The following HNRNPK variants were observed in gnomAD, a reference collection of about 807,000 sequenced individuals.
HNRNPK encodes the protein heterogeneous nuclear ribonucleoprotein K.
Under a neutral mutation model 67.0 loss-of-function variants are expected in HNRNPK, and 7 were observed. That is an observed-to-expected ratio of 0.10 (90% CI 0.06 to 0.20). The LOEUF (loss-of-function observed/expected upper bound fraction) is 0.20, where lower values mean the gene tolerates loss of function less well. Ranked by LOEUF, HNRNPK falls within the 10% of genes least tolerant of loss-of-function variation. The probability of loss-of-function intolerance (pLI) is 1.00; values close to 1 mark genes in which losing one functional copy is unlikely to be tolerated. For synonymous variants in HNRNPK, 213 were observed against 193.7 expected (o/e 1.10, Z -0.83); for missense variants, 264 against 606.5 (o/e 0.44, Z 5.93).
chr9:83,971,047 T>C, intron 13 of HNRNPK, 135 bp from the exon 14 acceptor site: 2 of 853,772 alleles, frequency 2.3e-6, no homozygotes, highest in South Asian at 1.5e-5. Context: ...GCTCAAGTGA[T>C]CCTCCTGCCT....
chr9:83,970,692 T>A (rs1956790215), intron 15 of HNRNPK, 45 bp downstream of exon 15: 1 of 1,163,542 alleles, frequency 8.6e-7, no homozygotes, highest in Non-Finnish European at 1.3e-6. Flanking sequence ...GGAGGAATAA[T>A]CATAAAAGTG....
chr9:83,969,849 A>G (rs747238023), intron 16 of HNRNPK: 1 of 612,526 alleles, frequency 1.6e-6, no homozygotes, highest in East Asian at 3.7e-5. Flanking sequence ...GAACTAGGCC[A>G]ACATCCAATG....
chr9:83,978,056 T>C, intron 3 of HNRNPK, 139 bp downstream of exon 3: 1 of 636,078 alleles, frequency 1.6e-6, no homozygotes, highest in Non-Finnish European at 2.8e-6. Context: ...AAAGCTAAGA[T>C]GTAACTACTG....
At chr9:83,976,972 T>G (rs752127453) in intron 5 of HNRNPK, 23 bp downstream of exon 5, 33 of 1,447,210 alleles carry the variant, frequency 2.3e-5, no homozygotes, top group Non-Finnish European at 3.2e-5. Flanking sequence ...GCTCGTGTAG[T>G]AGTTTAAACT....
chr9:83,973,464 C>T, intron 8 of HNRNPK, 65 bp from the exon 9 acceptor site: 1 of 882,496 alleles, frequency 1.1e-6, no homozygotes, highest in South Asian at 1.3e-5. Flanking sequence ...CACTTATCTG[C>T]TATAAGCATA....
At chr9:83,969,626 A>G (rs527426338) in intron 16 of HNRNPK, 186 bp from the exon 17 acceptor site, 1 of 622,924 alleles carries the variant, frequency 1.6e-6, no homozygotes, top group South Asian at 1.9e-5. Context: ...ATGAGTAGTA[A>G]ATCGGACATT....
rs1465068162 is a variant in HNRNPK at position 83,972,010 on chromosome 9, T to G, written c.825A>C (p.Pro275=). Residue 275 remains proline, a synonymous_variant, in exon 11 of 17, where the codon CCA becomes CCC. Coordinates refer to ENST00000376263, the MANE Select transcript of HNRNPK (RefSeq NM_031263.4). ...PPGRGGRPMP[P]SRRDYDDMSP... is the part of the protein sequence containing the mutation. Reference sequence around the variant, plus strand: ...TCATATCATCATAATCTCTTCTAGATGGAGGCATGGGACGCCCACCCCGAC... The same window carrying G: ...TCATATCATCATAATCTCTTCTAGAGGGAGGCATGGGACGCCCACCCCGAC... The G allele has an allele frequency of 6.2e-7, 1 of 1,613,872 alleles. No individual in the cohort carries two copies.
chr9:83,978,259 T>C lies in HNRNPK; in HGVS notation c.-7A>G, dbSNP rs1341022914. 5.6e-6 allele frequency: 9 copies of C among 1,612,174 alleles called. No individual in the cohort carries two copies. In the East Asian group the frequency reaches 2.0e-4, roughly 36 times the overall value. On this transcript the variant is annotated 5_prime_UTR_variant, in exon 3 of 17. Transcript: ENST00000376263. ...CTGGCTGTTCAGTTTCCATATTCTTTTATTAAACGGGCACACCAATCTGTG... is the reference window on the plus strand; with the variant it reads ...CTGGCTGTTCAGTTTCCATATTCTTCTATTAAACGGGCACACCAATCTGTG...
At chr9:83,978,532 G>A in intron 1 of HNRNPK, 80 bp from the exon 2 acceptor site, 2 of 327,578 alleles carry the variant, frequency 6.1e-6, no homozygotes, top group Non-Finnish European at 1.0e-5. Context: ...AGTGAATACT[G>A]ATTTGAACCC....
At chr9:83,977,328 TAA>T (rs982512060) in intron 4 of HNRNPK, among the ~76,000 whole-genome samples, 36 of 152,206 alleles carry the variant, frequency 2.4e-4, no homozygotes, top group Middle Eastern at 6.8e-3. Flanking sequence ...TTTGGTAAAA[TAA>T]GTCAATTAAT....
rs1956960503 is a variant in HNRNPK, at chr9:83,973,893, A to G, written c.402+9T>C. On this transcript the variant is annotated intron_variant, in intron 8 of 16. Transcript: ENST00000376263. The stretch of plus-strand genomic sequence containing the variant: ...TACTTCAGTGGGGTTCAATGGCACT[A>G]TGACATACATTTAAGCATTCCACAG... 1.2e-6 allele frequency: 2 copies of G among 1,609,026 alleles called. No individual in the cohort carries two copies. The highest frequency in any genetic ancestry group is 1.7e-5 in the Admixed American group (1 of 59,946).
Position 83,972,957 on chromosome 9 carries a change from T to C in HNRNPK, c.532A>G (p.Ile178Val), listed in dbSNP as rs755826067. The stretch of plus-strand genomic sequence containing the variant: ...GGACAGCATTCCTGGAAAAGCTTGA[T>C]GGTGGTTTGAGTGTTCTGTAGTAAG... ...KELRENTQTT[I>V]KLFQECCPHS... The change falls in exon 10 of 17, where the codon ATC becomes GTC. Residue 178 changes from isoleucine (I) to valine (V), a missense_variant. Ile to Val is a conservative substitution (Grantham distance 29). Transcript: ENST00000376263. The C allele has an allele frequency of 6.2e-7, 1 of 1,608,688 alleles. No homozygotes were observed. Among genetic ancestry groups the C allele is most frequent in the Non-Finnish European group, 8.5e-7 (1 of 1,176,414 alleles).
At position 83,978,263 on chromosome 9, in the gene HNRNPK, T is replaced by C; in HGVS notation, c.-11A>G. 1 of 1,610,744 alleles carries C rather than the reference T, an allele frequency of 6.2e-7. No individual in the cohort carries two copies. The highest frequency in any genetic ancestry group is 8.5e-7 in the Non-Finnish European group (1 of 1,178,742). On this transcript the variant is annotated 5_prime_UTR_variant, in exon 3 of 17. Transcript: ENST00000376263. Reference sequence around the variant, plus strand: ...CTGTTCAGTTTCCATATTCTTTTATTAAACGGGCACACCAATCTGTGGAAA... The same window carrying C: ...CTGTTCAGTTTCCATATTCTTTTATCAAACGGGCACACCAATCTGTGGAAA...
At position 83,973,196 on chromosome 9, in the gene HNRNPK, G is replaced by C; in HGVS notation, c.516+90C>G. On this transcript the variant is annotated intron_variant, in intron 9 of 16. Transcript: ENST00000376263. ...CGATAAGCAATCTTTGGAGGGAACT[G>C]AGAGGGGAAGCGAGAGAAGCTCACA... The C allele has an allele frequency of 7.1e-6, 6 of 842,900 alleles. No individual in the cohort carries two copies. The South Asian group carries it at 8.7e-5, about 12-fold the overall frequency. The allele number at this position is 842,900 out of a possible 1,614,324, so 52.2% of individuals were successfully genotyped here.
chr9:83,976,362 C>T (rs904856612), intron 5 of HNRNPK: 1 of 152,434 alleles, frequency 6.6e-6, no homozygotes, highest in African/African-American at 2.4e-5. Flanking sequence ...TAGCCAAGTC[C>T]TATAAATGTG....
At chr9:83,975,639 CA>C in intron 5 of HNRNPK, 134 bp from the exon 6 acceptor site, 1 of 779,748 alleles carries the variant, frequency 1.3e-6, no homozygotes, top group Non-Finnish European at 2.3e-6. Flanking sequence ...CATGGGCGTT[CA>C]GGGGCGGATG....
chr9:83,969,084 TGGG>T lies in HNRNPK; in HGVS notation c.*320_*322del, dbSNP rs1231888115. 3 of 492,274 alleles carry T rather than the reference TGGG, an allele frequency of 6.1e-6. No homozygotes were observed. The highest frequency in any genetic ancestry group is 3.9e-5 in the Admixed American group (1 of 25,636). The allele number at this position is 492,274 out of a possible 1,614,324, so 30.5% of individuals were successfully genotyped here. A position where few individuals can be genotyped will look rare whatever the true frequency, so the allele number is the denominator to read the frequency against. ...AAGCAAGGTGTTCACAATAATTACA[TGGG>T]GGGAATTTTTTAAACCACCAACAAT... On this transcript the variant is annotated 3_prime_UTR_variant, in exon 17 of 17. Coordinates refer to ENST00000376263, the MANE Select transcript of HNRNPK (RefSeq NM_031263.4).
intron 16 of HNRNPK, 158 bp from the exon 17 acceptor site, chr9:83,969,598 T>C (rs1332137906): frequency 1.6e-6 from 1 of 634,488 alleles, no homozygotes; most frequent in African/African-American, 1.8e-5. Flanking sequence ...AAAGCAATGT[T>C]AAGTGTCAAG....
rs1435645038 is a variant in HNRNPK at position 83,978,187 on chromosome 9, C to T, written c.58+8G>A. 6.3e-7 allele frequency: 1 copy of T among 1,577,038 alleles called. No individual in the cohort carries two copies. The highest frequency in any genetic ancestry group is 8.7e-7 in the Non-Finnish European group (1 of 1,147,792). On this transcript the variant is annotated splice_region_variant and intron_variant, in intron 3 of 16. Transcript: ENST00000376263. ...AAAAATACTGTTAAAACTAAAATTT[C>T]TTCTCACCAAATTCACCATTGGTTT...
Sources: gnomAD v4.1 joint callset for allele counts (sites outside exome capture counted in the v4.1 genomes callset) on GRCh38, gnomAD v4.1.1 for gene constraint, MANE v1.5 for transcripts, NCBI Gene and HGNC (gene_info 2026-07-23, HGNC 2026-07-21) for gene names.